NRXN1: variants seen among roughly 807,000 people sequenced by gnomAD.
NRXN1 encodes the protein neurexin 1, also known as neurexin-1.
In NRXN1, 39 loss-of-function variants were observed where a neutral mutation model predicts 150.9. The ratio of observed to expected loss-of-function variants is 0.26; its 90% CI spans 0.20 to 0.34. The LOEUF is 0.34. NRXN1 is among the 10% of genes least tolerant of loss of function. NRXN1 has a pLI of 1.00. For missense variants in NRXN1, 1,815 were observed against 1,949.9 expected (o/e 0.93, Z 1.30); for synonymous variants, 924 against 757.0 (o/e 1.22, Z -3.62).
At chr2:50,380,259 C>G (rs1558632668) in intron 17 of NRXN1, among the ~76,000 whole-genome samples, 1 of 150,756 alleles carries the variant, frequency 6.6e-6, no homozygotes, top group East Asian at 2.0e-4. Context: ...TACCACATTG[C>G]TGAGAAATGA....
chr2:50,937,029 G>T (rs949706266), intron 2 of NRXN1, among the ~76,000 whole-genome samples: 1 of 152,036 alleles, frequency 6.6e-6, no homozygotes, highest in Non-Finnish European at 1.5e-5. Flanking sequence ...GAGACTTCTA[G>T]GGTCTGTTAT....
At chr2:50,255,330 T>C (rs2067591919) in intron 17 of NRXN1, among the ~76,000 whole-genome samples, 1 of 152,228 alleles carries the variant, frequency 6.6e-6, no homozygotes, top group Non-Finnish European at 1.5e-5. Context: ...TGGAGAATTT[T>C]ACATTTTACC....
rs146036517 is a variant in NRXN1, at chr2:50,850,180, A to G, written c.832+71689T>C. On this transcript the variant is annotated intron_variant, in intron 5 of 22. Coordinates refer to ENST00000401669, the MANE Select transcript of NRXN1 (RefSeq NM_001330078.2). ...GCAGTTGCAGCTACAGTGAGCTGTG[A>G]TTACTGCACTGCACTCCAGCCTGGG... 2.7e-4 allele frequency among the ~76,000 whole-genome samples: 41 copies of G among 149,500 alleles called. No individual in the cohort carries two copies. The East Asian group carries it at 7.9e-3, about 29-fold the overall frequency.
intron 17 of NRXN1, among the ~76,000 whole-genome samples, chr2:50,397,430 T>A (rs1193963690): frequency 6.6e-6 from 1 of 152,090 alleles, no homozygotes; most frequent in Non-Finnish European, 1.5e-5. Context: ...TGTTAAGTGA[T>A]TGGCTTGCAT....
chr2:50,609,337 T>C (rs529978396), intron 8 of NRXN1, among the ~76,000 whole-genome samples: 157 of 152,210 alleles, frequency 1.0e-3, no homozygotes, highest in Non-Finnish European at 1.6e-3. Context: ...GAAGAAGATA[T>C]TAAATGAAGA....
chr2:50,381,301 C>T (rs962661647), intron 17 of NRXN1, among the ~76,000 whole-genome samples: 3 of 151,716 alleles, frequency 2.0e-5, no homozygotes, highest in Admixed American at 6.6e-5. Context: ...AGTCTCATCA[C>T]GACAGTCTTC....
intron 21 of NRXN1, among the ~76,000 whole-genome samples, chr2:50,001,401 C>G (rs1683900886): frequency 6.6e-6 from 1 of 152,064 alleles, no homozygotes; most frequent in South Asian, 2.1e-4. Flanking sequence ...TGAATGCATA[C>G]TAAAATTCTT....
At chr2:49,955,091 C>T (rs1674688225) in intron 21 of NRXN1, among the ~76,000 whole-genome samples, 1 of 152,100 alleles carries the variant, frequency 6.6e-6, no homozygotes, top group South Asian at 2.1e-4. Context: ...AAATATTATA[C>T]ATGACACTTG....
chr2:49,988,558 A>G (rs543356758), intron 21 of NRXN1, among the ~76,000 whole-genome samples: 18 of 151,636 alleles, frequency 1.2e-4, no homozygotes, highest in Admixed American at 1.1e-3. Flanking sequence ...ACTTAGTAAC[A>G]GAGTTCTCTT....
intron 15 of NRXN1, among the ~76,000 whole-genome samples, chr2:50,479,676 C>T (rs1038695582): frequency 2.6e-5 from 4 of 151,574 alleles, no homozygotes; most frequent in Non-Finnish European, 4.4e-5. Flanking sequence ...TTTATGTCAG[C>T]ACTCATATTT....
rs779330397 is a variant in NRXN1 at position 50,531,261 on chromosome 2, T to C, written c.2313A>G (p.Leu771=). The C allele has an allele frequency of 3.3e-5, 54 of 1,613,588 alleles. 1 individual carries two copies. The East Asian group carries it at 1.2e-3, about 35-fold the overall frequency. ...RDSADTLRLE[L]DAGRVKLTVN... ...CCGTCAGTTTCACACGTCCTGCGTCTAGCTCCAGGCGGAGGGTGTCAGCAG... is the reference window on the plus strand; with the variant it reads ...CCGTCAGTTTCACACGTCCTGCGTCCAGCTCCAGGCGGAGGGTGTCAGCAG... Residue 771 remains leucine (L), a synonymous_variant, in exon 11 of 23, where the codon CTA becomes CTG. Transcript: ENST00000401669.
At chr2:50,712,097 T>C (rs916859379) in intron 5 of NRXN1, among the ~76,000 whole-genome samples, 1 of 152,130 alleles carries the variant, frequency 6.6e-6, no homozygotes, top group Non-Finnish European at 1.5e-5. Flanking sequence ...TACTTACATC[T>C]AGACACATGC....
chr2:50,517,287 C>G (rs1017398905), intron 12 of NRXN1, among the ~76,000 whole-genome samples: 2 of 152,046 alleles, frequency 1.3e-5, no homozygotes, highest in Non-Finnish European at 2.9e-5. Flanking sequence ...ATTATGTTGT[C>G]ATTTTTATCT....
chr2:50,505,434 G>A lies in NRXN1; in HGVS notation c.2497+1061C>T, dbSNP rs1020014285. 7.2e-5 allele frequency among the ~76,000 whole-genome samples: 11 copies of A among 152,276 alleles called. 1 individual carries two copies. The highest frequency in any genetic ancestry group is 1.9e-4 in the East Asian group (1 of 5,174). On this transcript the variant is annotated intron_variant, in intron 13 of 22. Transcript: ENST00000401669. ...GTTGTAGTTCTGGCATGATCTTGCC[G>A]TTGGCAGCTGCCTCTTCCCAAACTC... is the stretch of plus-strand genomic sequence containing the variant.
intron 17 of NRXN1, among the ~76,000 whole-genome samples, chr2:50,259,569 A>T (rs1465219995): frequency 6.6e-6 from 1 of 151,434 alleles, no homozygotes; most frequent in African/African-American, 2.4e-5. Flanking sequence ...TCAAATGAAA[A>T]CTCTGCCCTC....
At chr2:49,930,966 G>GA in intron 22 of NRXN1, among the ~76,000 whole-genome samples, 1 of 152,228 alleles carries the variant, frequency 6.6e-6, no homozygotes, top group African/African-American at 2.4e-5. Flanking sequence ...ACTGTCTCTA[G>GA]AAAAAATTAA....
At chr2:50,638,205 T>C (rs1286536318) in intron 5 of NRXN1, among the ~76,000 whole-genome samples, 2 of 152,146 alleles carry the variant, frequency 1.3e-5, no homozygotes, top group Admixed American at 6.6e-5. Flanking sequence ...CAAGAGTATA[T>C]TTCCAGGAAC....
intron 17 of NRXN1, among the ~76,000 whole-genome samples, chr2:50,269,881 TTTTC>T (rs1381264873): frequency 2.0e-5 from 3 of 152,170 alleles, no homozygotes; most frequent in Non-Finnish European, 4.4e-5. Flanking sequence ...TTACTCTAGT[TTTTC>T]TTTCTATTTC....
chr2:50,274,836 C>A (rs1420828742), intron 17 of NRXN1, among the ~76,000 whole-genome samples: 1 of 151,924 alleles, frequency 6.6e-6, no homozygotes, highest in Non-Finnish European at 1.5e-5. Flanking sequence ...TAAATAGAGT[C>A]TCGAAGCCTA....
Sources: allele counts gnomAD v4.1 joint callset (sites outside exome capture counted in the v4.1 genomes callset), GRCh38; gene constraint gnomAD v4.1.1; transcripts MANE v1.5; gene names NCBI Gene and HGNC (gene_info 2026-07-23, HGNC 2026-07-21).